The following NYAP1 variants were observed in gnomAD, a reference collection of about 807,000 sequenced individuals.
NYAP1 encodes the protein neuronal tyrosine phosphorylated phosphoinositide-3-kinase adaptor 1.
NYAP1 carries 20 observed loss-of-function variants against 58.6 expected under a neutral mutation model. The ratio of observed to expected loss-of-function variants is 0.34; its 90% CI spans 0.24 to 0.50. The LOEUF (loss-of-function observed/expected upper bound fraction) is 0.50, where lower values mean the gene tolerates loss of function less well. NYAP1 is among the 20% of genes least tolerant of loss of function. NYAP1 has a pLI of 0.98. For missense variants in NYAP1, 1,150 were observed against 1,194.5 expected (o/e 0.96, Z 0.55); for synonymous variants, 572 against 523.1 (o/e 1.09, Z -1.27).
chr7:100,494,108 A>T lies in NYAP1; in HGVS notation c.*205A>T. ...TGCCAACAGCGCTGCTGAGAAACGGAGGAGGAGGAGGGTTTGCTTGAGGTT... is the reference window on the plus strand; with the variant it reads ...TGCCAACAGCGCTGCTGAGAAACGGTGGAGGAGGAGGGTTTGCTTGAGGTT... On this transcript the variant is annotated 3_prime_UTR_variant, in exon 7 of 7. Coordinates refer to ENST00000300179, the MANE Select transcript of NYAP1 (RefSeq NM_173564.4). 2.0e-6 allele frequency: 1 copy of T among 493,764 alleles called. No individual in the cohort carries two copies. The allele number at this position is 493,764 out of a possible 1,614,324, so 30.6% of individuals were successfully genotyped here.
In NYAP1 at chr7:100,485,107, G is replaced by A. The variant is rs1799686529; in HGVS notation, c.-84-121G>A. 14 of 584,106 alleles carry A rather than the reference G, an allele frequency of 2.4e-5. No individual in the cohort carries two copies. The highest frequency in any genetic ancestry group is 1.0e-4 in the South Asian group (5 of 49,036). 36.2% of individuals were successfully genotyped at this position (584,106 alleles called of 1,614,324 possible). A position where few individuals can be genotyped will look rare whatever the true frequency, so the allele number is the denominator to read the frequency against. ...CGAAGCTGTGTTGGGTTTTCTGTCT[G>A]TGTTTTCCTCTCTGAGGACCCGAGT... On this transcript the variant is annotated intron_variant, in intron 1 of 6. Coordinates refer to ENST00000300179, the MANE Select transcript of NYAP1 (RefSeq NM_173564.4). The surrounding 1 kb of genome is among the most constrained non-coding windows in gnomAD (Gnocchi z 5.7).
In NYAP1 at chr7:100,494,244, A is replaced by T; in HGVS notation, c.*341A>T. ...GGAGGAAGGAAGGGATGGGAGGAAGAGGGGGGTGGGTGAGCTGAAAGAGAG... is the reference window on the plus strand; with the variant it reads ...GGAGGAAGGAAGGGATGGGAGGAAGTGGGGGGTGGGTGAGCTGAAAGAGAG... On this transcript the variant is annotated 3_prime_UTR_variant, in exon 7 of 7. Transcript: ENST00000300179. 4.2e-6 allele frequency: 1 copy of T among 237,816 alleles called. No individual in the cohort carries two copies. Among genetic ancestry groups the T allele is most frequent in the Non-Finnish European group, 8.1e-6 (1 of 124,106 alleles). 14.7% of individuals were successfully genotyped at this position (237,816 alleles called of 1,614,324 possible).
In NYAP1 at chr7:100,490,065, C is replaced by T. The variant is rs972728791; in HGVS notation, c.1945+399C>T. Among the ~76,000 whole-genome samples, 1 of 152,126 alleles carries T rather than the reference C, an allele frequency of 6.6e-6. No homozygotes were observed. The highest frequency in any genetic ancestry group is 3.4e-3 in the Middle Eastern group (1 of 294). On this transcript the variant is annotated intron_variant, in intron 4 of 6. Transcript: ENST00000300179. This position sits in a 1 kb window ranked among gnomAD's most constrained non-coding sequence, Gnocchi z 4.6. ...GGAGGCCCCTACCGTTGCCTGGCAA[C>T]GCAATGCTCTGCCAGGCCTCCTCTC...
In NYAP1 at chr7:100,494,204, G is replaced by C. The variant is rs1584362564; in HGVS notation, c.*301G>C. On this transcript the variant is annotated 3_prime_UTR_variant, in exon 7 of 7. Coordinates refer to ENST00000300179, the MANE Select transcript of NYAP1 (RefSeq NM_173564.4). ...CCCCTCCTCCTGAACCAAGCCAGAG[G>C]TCAGCATGGGGAAGGGAGGAAGGAA... 5.8e-6 allele frequency: 2 copies of C among 345,084 alleles called. No individual in the cohort carries two copies. Among genetic ancestry groups the C allele is most frequent in the East Asian group, 9.3e-5 (2 of 21,464 alleles). 21.4% of individuals were successfully genotyped at this position (345,084 alleles called of 1,614,324 possible).
chr7:100,493,555 A>T lies in NYAP1; in HGVS notation c.2269-91A>T, dbSNP rs1028142690. On this transcript the variant is annotated intron_variant, in intron 6 of 6. Transcript: ENST00000300179. Reference sequence around the variant, plus strand: ...CAAGCAAGGACTTGCTTCTGAGGGGAGACGTGGGTCTCGGCAGTGCGGACC... The same window carrying T: ...CAAGCAAGGACTTGCTTCTGAGGGGTGACGTGGGTCTCGGCAGTGCGGACC... 8.4e-5 allele frequency: 91 copies of T among 1,086,964 alleles called. 1 individual carries two copies. In the South Asian group the frequency reaches 1.4e-3, roughly 17 times the overall value. 67.3% of individuals were successfully genotyped at this position (1,086,964 alleles called of 1,614,324 possible).
chr7:100,487,113 C>G lies in NYAP1; in HGVS notation c.361C>G (p.His121Asp), dbSNP rs781164141. 1.9e-6 allele frequency: 3 copies of G among 1,576,484 alleles called. No individual in the cohort carries two copies. Among genetic ancestry groups the G allele is most frequent in the Non-Finnish European group, 2.6e-6 (3 of 1,161,806 alleles). The change falls in exon 3 of 7, where the codon CAC (histidine) becomes GAC (aspartate). Residue 121 changes from histidine (H) to aspartate (D), a missense_variant. Physicochemically the swap from His to Asp is moderately conservative, Grantham distance 81. Coordinates refer to ENST00000300179, the MANE Select transcript of NYAP1 (RefSeq NM_173564.4). The surrounding 1 kb of genome is among the most constrained non-coding windows in gnomAD (Gnocchi z 4.1). ...AAGACCCCCTGCCAAGCCCCGGAGA[C>G]ACCCCAGCACCAAGCTCAGCATGGT... ...TRRPPAKPRR[H>D]PSTKLSMVGP...
Position 100,493,940 on chromosome 7 carries a change from A to T in NYAP1, c.*37A>T, listed in dbSNP as rs1799835111. 7.2e-7 allele frequency: 1 copy of T among 1,385,700 alleles called. No individual in the cohort carries two copies. Among genetic ancestry groups the T allele is most frequent in the Non-Finnish European group, 9.4e-7 (1 of 1,066,892 alleles). The allele number at this position is 1,385,700 out of a possible 1,614,324, so 85.8% of individuals were successfully genotyped here. A position where few individuals can be genotyped will look rare whatever the true frequency, so the allele number is the denominator to read the frequency against. ...GGGTACCGGGGCGCCTGGACTGGGG[A>T]GGGGGCGGGCACGCCTGGCTCTCCC... is the stretch of plus-strand genomic sequence containing the variant. On this transcript the variant is annotated 3_prime_UTR_variant, in exon 7 of 7. Transcript: ENST00000300179.
chr7:100,485,353 G>A lies in NYAP1; in HGVS notation c.42G>A (p.Gln14=), dbSNP rs766419971. 17 of 1,603,620 alleles carry A rather than the reference G, an allele frequency of 1.1e-5. No homozygotes were observed. In the East Asian group the frequency reaches 3.8e-4, roughly 36 times the overall value. The change falls in exon 2 of 7, where the codon CAG becomes CAA. Residue 14 remains glutamine (Q), a synonymous_variant. Coordinates refer to ENST00000300179, the MANE Select transcript of NYAP1 (RefSeq NM_173564.4). This position sits in a 1 kb window ranked among gnomAD's most constrained non-coding sequence, Gnocchi z 5.7. ...GAAAAACCAAGCTGGAGTGGAGGCA[G>A]CACAAGGAAGAGGAGGCCAAGAGGA... The part of the protein sequence containing the change: ...LYRKTKLEWR[Q]HKEEEAKRSS...
At chr7:100,491,998 G>T (rs761336345) in intron 6 of NYAP1, among the ~76,000 whole-genome samples, 8 of 152,126 alleles carry the variant, frequency 5.3e-5, no homozygotes, top group Non-Finnish European at 8.8e-5. Flanking sequence ...AGTAAGCCAA[G>T]ATCGCACCAC....
chr7:100,492,983 A>AAGAAAGCAAGAAAGAAAAG (rs1453621791), intron 6 of NYAP1, among the ~76,000 whole-genome samples: 1 of 151,980 alleles, frequency 6.6e-6, no homozygotes, highest in Non-Finnish European at 1.5e-5. Context: ...CAAGAAAGAA[A>AAGAAAGCAAGAAAGAAAAG]AGAAAGCAAG....
chr7:100,488,089 C>T lies in NYAP1; in HGVS notation c.431-63C>T, dbSNP rs1005040239. ...AGAAGGGTCAAGGGATCAGAATGGG[C>T]TCCTCCCACTTGCTCCCCTCATTAA... is the stretch of plus-strand genomic sequence containing the variant. On this transcript the variant is annotated intron_variant, in intron 3 of 6. Transcript: ENST00000300179. This position sits in a 1 kb window ranked among gnomAD's most constrained non-coding sequence, Gnocchi z 5.9. 7 of 1,266,132 alleles carry T rather than the reference C, an allele frequency of 5.5e-6. No individual in the cohort carries two copies. Among genetic ancestry groups the T allele is most frequent in the Admixed American group, 2.3e-5 (1 of 43,022 alleles). 78.4% of individuals were successfully genotyped at this position (1,266,132 alleles called of 1,614,324 possible).
In NYAP1 at chr7:100,493,779, G is replaced by A. The variant is rs766941123; in HGVS notation, c.2402G>A (p.Arg801Gln). 4 of 1,605,386 alleles carry A rather than the reference G, an allele frequency of 2.5e-6. No individual in the cohort carries two copies. Among genetic ancestry groups the A allele is most frequent in the Non-Finnish European group, 3.4e-6 (4 of 1,178,206 alleles). Residue 801 changes from arginine to glutamine, a missense_variant, in exon 7 of 7, where the codon CGA (arginine) becomes CAA (glutamine). Physicochemically the swap from Arg to Gln is conservative, Grantham distance 43 (BLOSUM62 1). Coordinates refer to ENST00000300179, the MANE Select transcript of NYAP1 (RefSeq NM_173564.4). ...KEIKARHRPD[R>Q]GLCKQESMPI... ...ATCAAGGCGCGCCACCGCCCGGACC[G>A]AGGCCTCTGCAAGCAGGAGAGCATG...
At chr7:100,491,603 A>C (rs1799796471) in intron 6 of NYAP1, among the ~76,000 whole-genome samples, 1 of 149,094 alleles carries the variant, frequency 6.7e-6, no homozygotes, top group Non-Finnish European at 1.5e-5. Flanking sequence ...TCTTAGAAGA[A>C]AAAAAAAAAA....
In NYAP1 at chr7:100,494,686, G is replaced by A. The variant is rs551137832; in HGVS notation, c.*783G>A. 2 of 148,072 alleles carry A rather than the reference G, an allele frequency of 1.4e-5. No individual in the cohort carries two copies. Among genetic ancestry groups the A allele is most frequent in the South Asian group, 4.4e-4 (2 of 4,558 alleles). 9.2% of individuals were successfully genotyped at this position (148,072 alleles called of 1,614,324 possible). On this transcript the variant is annotated 3_prime_UTR_variant, in exon 7 of 7. Coordinates refer to ENST00000300179, the MANE Select transcript of NYAP1 (RefSeq NM_173564.4). ...GAGGAGGAGGGAAATTTTAGCGGGT[G>A]GAGGGGGTGGGCAGGGTATTTATTT...
Position 100,490,810 on chromosome 7 carries a change from C to T in NYAP1, c.2158+81C>T. Reference sequence around the variant, plus strand: ...GGTCTAGCTGCACCTGTCCTGACTTCCTCTCACCTGTTCACGTCTGTGCCC... The same window carrying T: ...GGTCTAGCTGCACCTGTCCTGACTTTCTCTCACCTGTTCACGTCTGTGCCC... On this transcript the variant is annotated intron_variant, in intron 5 of 6. Transcript: ENST00000300179. This position sits in a 1 kb window ranked among gnomAD's most constrained non-coding sequence, Gnocchi z 4.6. The T allele has an allele frequency of 3.8e-6, 5 of 1,301,462 alleles. No homozygotes were observed. The South Asian group carries it at 4.5e-5, about 12-fold the overall frequency. 80.6% of individuals were successfully genotyped at this position (1,301,462 alleles called of 1,614,324 possible). A position where few individuals can be genotyped will look rare whatever the true frequency, so the allele number is the denominator to read the frequency against.
intron 6 of NYAP1, among the ~76,000 whole-genome samples, chr7:100,491,442 C>A (rs1207470809): frequency 6.6e-6 from 1 of 151,988 alleles, no homozygotes; most frequent in East Asian, 1.9e-4. Flanking sequence ...ATAAAAAATG[C>A]AAAATGTAGT....
Position 100,489,373 on chromosome 7 carries a change from A to G in NYAP1, c.1652A>G (p.Tyr551Cys). Residue 551 changes from tyrosine to cysteine, a missense_variant, in exon 4 of 7, where the codon TAC becomes TGC. Transcript: ENST00000300179. ...GGCCCCCTGACCCCGCTGTGGACCT[A>G]CCCAGCCACAGCAGCTGGGCTCAAG... ...TVGPLTPLWT[Y>C]PATAAGLKRP... 6.2e-7 allele frequency: 1 copy of G among 1,607,066 alleles called. No homozygotes were observed. The highest frequency in any genetic ancestry group is 8.5e-7 in the Non-Finnish European group (1 of 1,177,774).
Position 100,486,690 on chromosome 7 carries a change from C to A in NYAP1, c.69-131C>A. On this transcript the variant is annotated intron_variant, in intron 2 of 6. Transcript: ENST00000300179. The surrounding 1 kb of genome is among the most constrained non-coding windows in gnomAD (Gnocchi z 6.2). ...ATTGGTGCCCTGGACCTTCTGGCAACCCTGTCCCCACCCAGGCTCCCGTCC... is the reference window on the plus strand; with the variant it reads ...ATTGGTGCCCTGGACCTTCTGGCAAACCTGTCCCCACCCAGGCTCCCGTCC... 1.8e-6 allele frequency: 2 copies of A among 1,123,818 alleles called. No homozygotes were observed. The highest frequency in any genetic ancestry group is 2.4e-6 in the Non-Finnish European group (2 of 837,240). The allele number at this position is 1,123,818 out of a possible 1,614,324, so 69.6% of individuals were successfully genotyped here.
rs1208432066 is a variant in NYAP1, at chr7:100,490,081, G to A, written c.1945+415G>A. ...GCCTGGCAACGCAATGCTCTGCCAG[G>A]CCTCCTCTCAGAGATGAGCTTAGTT... On this transcript the variant is annotated intron_variant, in intron 4 of 6. Coordinates refer to ENST00000300179, the MANE Select transcript of NYAP1 (RefSeq NM_173564.4). The surrounding 1 kb of genome is among the most constrained non-coding windows in gnomAD (Gnocchi z 4.6). Among the ~76,000 whole-genome samples the A allele has an allele frequency of 6.6e-6, 1 of 152,036 alleles. No homozygotes were observed. Among genetic ancestry groups the A allele is most frequent in the African/African-American group, 2.4e-5 (1 of 41,392 alleles).
Sources: allele counts gnomAD v4.1 joint callset (sites outside exome capture counted in the v4.1 genomes callset), GRCh38; gene constraint gnomAD v4.1.1; non-coding constraint Gnocchi (gnomAD v3.1); transcripts MANE v1.5; gene names NCBI Gene and HGNC (gene_info 2026-07-23, HGNC 2026-07-21).